NPHS2: variants seen among roughly 807,000 people sequenced by gnomAD.
NPHS2 encodes the protein podocin.
Under a neutral mutation model 37.1 loss-of-function variants are expected in NPHS2, and 36 were observed. That is an observed-to-expected ratio of 0.97 (90% CI 0.74 to 1.28). The LOEUF is 1.28. Ranked by LOEUF, NPHS2 falls within the 50% of genes most tolerant of loss-of-function variation. The pLI is 0.00. For synonymous variants in NPHS2, 196 were observed against 189.3 expected, an observed-to-expected ratio of 1.04 and a Z score of -0.29; for missense variants, 447 against 488.1, an observed-to-expected ratio of 0.92 and a Z score of 0.79.
In NPHS2 at chr1:179,575,642, C is replaced by T. The variant is rs760160509; in HGVS notation, c.223G>A (p.Glu75Lys). The T allele has an allele frequency of 1.9e-6, 3 of 1,603,684 alleles. No individual in the cohort carries two copies. In the East Asian group the frequency reaches 6.7e-5, roughly 36 times the overall value. ...VDVDEVRGSGEEGTEVVALLE... is the reference protein window; with the variant it reads ...VDVDEVRGSGKEGTEVVALLE... The stretch of plus-strand genomic sequence containing the variant: ...AGCGCCACCACCTCGGTGCCCTCCT[C>T]GCCGGAGCCTCGGACCTCATCCACG... Residue 75 changes from glutamate to lysine, a missense_variant, in exon 1 of 8, where the codon GAG (glutamate) becomes AAG (lysine). Physicochemically the swap from Glu to Lys is moderately conservative, Grantham distance 56. Coordinates refer to ENST00000367615, the MANE Select transcript of NPHS2 (RefSeq NM_014625.4).
In NPHS2 at chr1:179,564,679, T is replaced by C. The variant is rs1340431856; in HGVS notation, c.378+11A>G. The C allele has an allele frequency of 6.2e-7, 1 of 1,610,306 alleles. No homozygotes were observed. The highest frequency in any genetic ancestry group is 1.7e-5 in the Admixed American group (1 of 59,996). On this transcript the variant is annotated intron_variant, in intron 2 of 7. Coordinates refer to ENST00000367615, the MANE Select transcript of NPHS2 (RefSeq NM_014625.4). Reference sequence around the variant, plus strand: ...CAGGAAATTACCTATTGGGTCCTTATGGAATCTCACCTTTACGCAGAACCA... The same window carrying C: ...CAGGAAATTACCTATTGGGTCCTTACGGAATCTCACCTTTACGCAGAACCA...
chr1:179,561,698 G>A (rs1415482056), intron 2 of NPHS2, among the ~76,000 whole-genome samples: 1 of 152,078 alleles, frequency 6.6e-6, no homozygotes, highest in Non-Finnish European at 1.5e-5. Context: ...GCTTTTATAT[G>A]TATTGCTCAT....
chr1:179,553,092 A>G (rs61826364), intron 6 of NPHS2, among the ~76,000 whole-genome samples: 30,874 of 152,286 alleles, frequency 0.2, 3,821 homozygotes, highest in Non-Finnish European at 0.27. Flanking sequence ...TGAAAAGGGT[A>G]CAACTGACCA....
chr1:179,557,228 G>A lies in NPHS2; in HGVS notation c.537C>T (p.Ile179=), dbSNP rs370260554. 59 of 1,613,630 alleles carry A rather than the reference G, an allele frequency of 3.7e-5. No individual in the cohort carries two copies. Among genetic ancestry groups the A allele is most frequent in the Non-Finnish European group, 4.6e-5 (54 of 1,179,746 alleles). The change falls in exon 5 of 8, where the codon ATC becomes ATT. Residue 179 remains isoleucine, a splice_region_variant and synonymous_variant. Coordinates refer to ENST00000367615, the MANE Select transcript of NPHS2 (RefSeq NM_014625.4). ...LQTLEIPFHE[I]VTKDMFIMEI... The stretch of plus-strand genomic sequence containing the variant: ...CCATTATAAACATGTCTTTGGTCAC[G>A]ATCTAGGCAGAAAAAAGTTTGGATG...
At chr1:179,554,006 G>A (rs1265836019) in intron 6 of NPHS2, among the ~76,000 whole-genome samples, 4 of 150,802 alleles carry the variant, frequency 2.7e-5, no homozygotes, top group South Asian at 2.1e-4. Context: ...TCTGCCTCTC[G>A]GGTTCAAGCG....
intron 7 of NPHS2, 65 bp from the exon 8 acceptor site, chr1:179,551,516 A>C: frequency 6.3e-7 from 1 of 1,585,464 alleles, no homozygotes; most frequent in Non-Finnish European, 8.6e-7. Context: ...ACCACTATGC[A>C]GTATGACTCA....
chr1:179,569,831 G>T (rs929724200), intron 1 of NPHS2, among the ~76,000 whole-genome samples: 3 of 152,088 alleles, frequency 2.0e-5, no homozygotes, highest in African/African-American at 7.2e-5. Context: ...TGAAATTCTG[G>T]GTTGAAAATT....
In NPHS2 at chr1:179,564,706, A is replaced by G; in HGVS notation, c.362T>C (p.Ile121Thr). 6.2e-7 allele frequency: 1 copy of G among 1,614,070 alleles called. No homozygotes were observed. The highest frequency in any genetic ancestry group is 1.7e-5 in the Admixed American group (1 of 60,020). The change falls in exon 2 of 8, where the codon ATC becomes ACC. Residue 121 changes from isoleucine to threonine, a missense_variant. Ile to Thr is a moderately conservative substitution (Grantham distance 89, BLOSUM62 -1). Transcript: ENST00000367615. ...LFIIMTFPFS[I>T]WFCVKVVQEY... Reference sequence around the variant, plus strand: ...GAATCTCACCTTTACGCAGAACCAGATGGAAAAAGGGAAGGTCATGATGAT... The same window carrying G: ...GAATCTCACCTTTACGCAGAACCAGGTGGAAAAAGGGAAGGTCATGATGAT...
chr1:179,556,906 C>G lies in NPHS2; in HGVS notation c.738+121G>C. On this transcript the variant is annotated intron_variant, in intron 5 of 7. Coordinates refer to ENST00000367615, the MANE Select transcript of NPHS2 (RefSeq NM_014625.4). This position sits in a 1 kb window ranked among gnomAD's most constrained non-coding sequence, Gnocchi z 4.1. ...TGGCAACCTCCTAACTAGCTATGAG[C>G]TCCCAAAGGGATGGCCCCTAAGGGA... 2.2e-6 allele frequency: 2 copies of G among 926,360 alleles called. No individual in the cohort carries two copies. Among genetic ancestry groups the G allele is most frequent in the South Asian group, 2.9e-5 (2 of 69,544 alleles). The allele number at this position is 926,360 out of a possible 1,614,324, so 57.4% of individuals were successfully genotyped here.
chr1:179,566,495 C>A (rs1413102498), intron 1 of NPHS2, among the ~76,000 whole-genome samples: 1 of 137,482 alleles, frequency 7.3e-6, no homozygotes, highest in Non-Finnish European at 1.6e-5. Context: ...TTGCAAAAAT[C>A]TTCTCCCATT....
chr1:179,553,118 T>C lies in NPHS2; in HGVS notation c.795-437A>G, dbSNP rs372944040. On this transcript the variant is annotated intron_variant, in intron 6 of 7. Coordinates refer to ENST00000367615, the MANE Select transcript of NPHS2 (RefSeq NM_014625.4). Reference sequence around the variant, plus strand: ...CAACTGACCAAATAAGAACAACGCTTAATGTATTGCATAAAAGGTACAAAA... The same window carrying C: ...CAACTGACCAAATAAGAACAACGCTCAATGTATTGCATAAAAGGTACAAAA... Among the ~76,000 whole-genome samples, 6 of 152,328 alleles carry C rather than the reference T, an allele frequency of 3.9e-5. No individual in the cohort carries two copies. The South Asian group carries it at 8.3e-4, about 21-fold the overall frequency.
intron 1 of NPHS2, among the ~76,000 whole-genome samples, chr1:179,575,094 G>A (rs1306693812): frequency 6.6e-6 from 1 of 152,158 alleles, no homozygotes; most frequent in Non-Finnish European, 1.5e-5. Context: ...CTCAGGTGTG[G>A]CTCTTCCTCA....
Position 179,551,222 on chromosome 1 carries a change from T to C in NPHS2, c.1103A>G (p.Lys368Arg). ...QGSLPFPSPS[K>R]PVEPLNPKKK... ...TTTAGGATTTAGTGGCTCAACAGGT[T>C]TGGAAGGACTTGGGAAGGGGAGGCT... is the stretch of plus-strand genomic sequence containing the variant. The change falls in exon 8 of 8, where the codon AAA becomes AGA. Residue 368 changes from lysine (K) to arginine (R), a missense_variant. Lys to Arg is a conservative substitution (Grantham distance 26, BLOSUM62 2). Transcript: ENST00000367615. 1 of 1,614,054 alleles carries C rather than the reference T, an allele frequency of 6.2e-7. No homozygotes were observed. The highest frequency in any genetic ancestry group is 8.5e-7 in the Non-Finnish European group (1 of 1,180,006).
intron 2 of NPHS2, 93 bp from the exon 3 acceptor site, chr1:179,561,454 T>C (rs1674135379): frequency 9.8e-7 from 1 of 1,024,902 alleles, no homozygotes; most frequent in Admixed American, 2.2e-5. Context: ...ATCAGAAATT[T>C]TTTGTTTTGA....
At position 179,550,963 on chromosome 1, in the gene NPHS2, A is replaced by G; in HGVS notation, c.*210T>C. The G allele has an allele frequency of 1.6e-6, 1 of 624,190 alleles. No individual in the cohort carries two copies. The highest frequency in any genetic ancestry group is 2.8e-6 in the Non-Finnish European group (1 of 355,216). 38.7% of individuals were successfully genotyped at this position (624,190 alleles called of 1,614,324 possible). A position where few individuals can be genotyped will look rare whatever the true frequency, so the allele number is the denominator to read the frequency against. On this transcript the variant is annotated 3_prime_UTR_variant, in exon 8 of 8. Coordinates refer to ENST00000367615, the MANE Select transcript of NPHS2 (RefSeq NM_014625.4). ...GCTGTTTCCCATAATTGCTCTGACTAGATGAGTCACGGAAACATGTTGTCT... is the reference window on the plus strand; with the variant it reads ...GCTGTTTCCCATAATTGCTCTGACTGGATGAGTCACGGAAACATGTTGTCT...
intron 4 of NPHS2, among the ~76,000 whole-genome samples, chr1:179,558,688 C>T (rs887932911): frequency 5.9e-5 from 9 of 152,146 alleles, no homozygotes; most frequent in Non-Finnish European, 1.0e-4. Flanking sequence ...CACCATTTTA[C>T]ATTTTCCTAC....
Position 179,559,711 on chromosome 1 carries a change from G to A in NPHS2, c.502C>T (p.Arg168Cys), listed in dbSNP as rs786204583. Reference protein sequence around the residue: ...CLDTYHKVDLRLQTLEIPFHE... With the variant: ...CLDTYHKVDLCLQTLEIPFHE... ...AAAGGTATCTCCAGAGTTTGGAGAC[G>A]AAGGTCAACCTTGTGGTAGGTATCC... Residue 168 changes from arginine to cysteine, a missense_variant, in exon 4 of 8, where the codon CGT (arginine) becomes TGT (cysteine). Arg to Cys is a radical substitution (Grantham distance 180, BLOSUM62 -3). Coordinates refer to ENST00000367615, the MANE Select transcript of NPHS2 (RefSeq NM_014625.4). 3 of 1,592,208 alleles carry A rather than the reference G, an allele frequency of 1.9e-6. No homozygotes were observed. Among genetic ancestry groups the A allele is most frequent in the East Asian group, 2.3e-5 (1 of 44,230 alleles).
intron 1 of NPHS2, among the ~76,000 whole-genome samples, chr1:179,567,710 A>G (rs1372534261): frequency 2.0e-5 from 3 of 152,172 alleles, no homozygotes; most frequent in Non-Finnish European, 2.9e-5. Flanking sequence ...GTTTGTCCTA[A>G]ATAGCTCTTA....
chr1:179,557,195 A>C lies in NPHS2; in HGVS notation c.570T>G (p.Asp190Glu), dbSNP rs764648330. Residue 190 changes from aspartate to glutamate, a missense_variant, in exon 5 of 8, where the codon GAT becomes GAG. By Grantham distance (45) the Asp-to-Glu change is conservative. Transcript: ENST00000367615. ...TTTCCATTCGGTAGTAGCAAATGGC[A>C]TCTATCTCCATTATAAACATGTCTT... ...VTKDMFIMEI[D>E]AICYYRMENA... is the part of the protein sequence containing the mutation. 6.2e-7 allele frequency: 1 copy of C among 1,613,932 alleles called. No homozygotes were observed. The highest frequency in any genetic ancestry group is 1.3e-5 in the African/African-American group (1 of 74,926).
Sources: allele counts gnomAD v4.1 joint callset (sites outside exome capture counted in the v4.1 genomes callset), GRCh38; gene constraint gnomAD v4.1.1; non-coding constraint Gnocchi (gnomAD v3.1); transcripts MANE v1.5; gene names NCBI Gene and HGNC (gene_info 2026-07-23, HGNC 2026-07-21).